The following FGF14 variants were observed in gnomAD, a reference collection of about 807,000 sequenced individuals.
FGF14 encodes fibroblast growth factor homologous factor 4.
FGF14 carries 5 observed loss-of-function variants against 25.5 expected under a neutral mutation model. The ratio of observed to expected loss-of-function variants is 0.20; its 90% confidence interval spans 0.10 to 0.41. The LOEUF is 0.41. Ranked by LOEUF, FGF14 falls within the 10% of genes least tolerant of loss-of-function variation. The pLI, the probability that FGF14 is intolerant of heterozygous loss-of-function variation, is 1.00. For missense variants in FGF14, 222 were observed against 320.1 expected (o/e 0.69, Z 2.34); for synonymous variants, 138 against 118.3 (o/e 1.17, Z -1.08).
chr13:102,328,595 A>C (rs2056536405), intron 1 of FGF14, among the ~76,000 whole-genome samples: 1 of 152,184 alleles, frequency 6.6e-6, no homozygotes. Flanking sequence ...CCCACACTTA[A>C]AGCTCTAGAG....
At chr13:102,253,261 G>T (rs967326081) in intron 1 of FGF14, among the ~76,000 whole-genome samples, 1 of 152,102 alleles carries the variant, frequency 6.6e-6, no homozygotes, top group South Asian at 2.1e-4. Context: ...TTCCACAATG[G>T]TTGAACTAGT....
At chr13:101,745,376 CT>C (rs2036822102) in intron 3 of FGF14, among the ~76,000 whole-genome samples, 1 of 151,980 alleles carries the variant, frequency 6.6e-6, no homozygotes, top group East Asian at 1.9e-4. Flanking sequence ...AAAGTACATA[CT>C]TTACATTAGG....
rs543945079 is a variant in FGF14, at chr13:102,258,109, C to T, written c.208+143362G>A. 2.0e-5 allele frequency among the ~76,000 whole-genome samples: 3 copies of T among 152,258 alleles called. No homozygotes were observed. In the East Asian group the frequency reaches 5.8e-4, roughly 29 times the overall value. ...ATGAGAGCCAAACGAAAGGGGTTTC[C>T]TCATATAAAACCATCAGATCTTGTA... On this transcript the variant is annotated intron_variant, in intron 1 of 4. Transcript: ENST00000376131.
intron 1 of FGF14, among the ~76,000 whole-genome samples, chr13:101,881,810 G>A (rs1160469787): frequency 6.6e-6 from 1 of 152,184 alleles, no homozygotes; most frequent in Non-Finnish European, 1.5e-5. Flanking sequence ...ACTGACAGAT[G>A]TGGGTGTGTT....
chr13:102,109,298 G>A (rs950388105), intron 1 of FGF14, among the ~76,000 whole-genome samples: 2 of 152,074 alleles, frequency 1.3e-5, no homozygotes, highest in Admixed American at 1.3e-4. Context: ...TTGGTCAAAG[G>A]ATATGACATT....
At chr13:102,342,731 T>C (rs2056989616) in intron 1 of FGF14, among the ~76,000 whole-genome samples, 1 of 152,070 alleles carries the variant, frequency 6.6e-6, no homozygotes, top group Admixed American at 6.6e-5. Flanking sequence ...GTTGATGTCA[T>C]TTTCCTCTAT....
At chr13:102,247,007 T>C (rs2141051538) in intron 1 of FGF14, among the ~76,000 whole-genome samples, 1 of 152,222 alleles carries the variant, frequency 6.6e-6, no homozygotes, top group South Asian at 2.1e-4. Context: ...CTCTATTCAA[T>C]AAATGGTGCT....
chr13:101,909,864 TG>T (rs1202995699), intron 1 of FGF14, among the ~76,000 whole-genome samples: 1 of 152,178 alleles, frequency 6.6e-6, no homozygotes, highest in Non-Finnish European at 1.5e-5. Flanking sequence ...AATGATAGAC[TG>T]GGTTAAGAAA....
intron 3 of FGF14, among the ~76,000 whole-genome samples, chr13:101,818,018 T>C (rs1486319575): frequency 1.3e-5 from 2 of 152,218 alleles, no homozygotes; most frequent in Non-Finnish European, 2.9e-5. Context: ...TCAAGATGCA[T>C]CTAAGTGCTT....
chr13:102,325,866 G>T (rs2056408938), intron 1 of FGF14, among the ~76,000 whole-genome samples: 1 of 152,060 alleles, frequency 6.6e-6, no homozygotes, highest in Non-Finnish European at 1.5e-5. Flanking sequence ...GGTGTACTCT[G>T]GTGAATATAA....
chr13:102,198,393 G>A (rs2049464448), intron 1 of FGF14, among the ~76,000 whole-genome samples: 1 of 152,200 alleles, frequency 6.6e-6, no homozygotes, highest in Admixed American at 6.5e-5. Flanking sequence ...AATTTTAATT[G>A]TAGCCCTCTA....
chr13:102,145,001 T>C (rs1050661400), intron 1 of FGF14, among the ~76,000 whole-genome samples: 4 of 152,176 alleles, frequency 2.6e-5, no homozygotes, highest in African/African-American at 7.2e-5. Context: ...TCCGTAATAT[T>C]TGAAAAATAA....
chr13:102,187,269 A>G (rs1397449629), intron 1 of FGF14, among the ~76,000 whole-genome samples: 1 of 152,230 alleles, frequency 6.6e-6, no homozygotes, highest in Non-Finnish European at 1.5e-5. Flanking sequence ...TTAGGGCTAT[A>G]ATCAAAGTAT....
chr13:101,838,803 T>C (rs924062554), intron 3 of FGF14, among the ~76,000 whole-genome samples: 1 of 152,006 alleles, frequency 6.6e-6, no homozygotes, highest in South Asian at 2.1e-4. Flanking sequence ...TCCTAAATAA[T>C]GAAAAAGTTG....
chr13:101,808,138 G>A (rs1225283440), intron 3 of FGF14, among the ~76,000 whole-genome samples: 1 of 151,976 alleles, frequency 6.6e-6, no homozygotes, highest in Non-Finnish European at 1.5e-5. Context: ...GAAAACTAAT[G>A]AATATTTCCA....
At chr13:101,959,615 C>G (rs1034223386) in intron 1 of FGF14, among the ~76,000 whole-genome samples, 4 of 152,214 alleles carry the variant, frequency 2.6e-5, no homozygotes, top group African/African-American at 7.2e-5. Context: ...CTCCCAGCTA[C>G]TGAAACCCTG....
chr13:102,038,748 G>A (rs1044953667), intron 1 of FGF14, among the ~76,000 whole-genome samples: 4 of 151,934 alleles, frequency 2.6e-5, no homozygotes, highest in African/African-American at 9.7e-5. Flanking sequence ...CAGTGTGAAA[G>A]TTTTAATTTT....
At chr13:102,196,983 T>C (rs2049388459) in intron 1 of FGF14, among the ~76,000 whole-genome samples, 1 of 151,582 alleles carries the variant, frequency 6.6e-6, no homozygotes, top group Non-Finnish European at 1.5e-5. Context: ...TCTTACAATG[T>C]AAACTTAAAG....
At chr13:101,945,567 C>T (rs545038896) in intron 1 of FGF14, among the ~76,000 whole-genome samples, 19 of 152,260 alleles carry the variant, frequency 1.2e-4, no homozygotes, top group Admixed American at 6.5e-4. Flanking sequence ...GCCTGCACCT[C>T]GGCCTGATAA....
Sources: allele counts gnomAD v4.1 joint callset (sites outside exome capture counted in the v4.1 genomes callset), GRCh38; gene constraint gnomAD v4.1.1; transcripts MANE v1.5; gene names NCBI Gene and HGNC (gene_info 2026-07-23, HGNC 2026-07-21).